CFAP77: variants seen among roughly 807,000 people sequenced by gnomAD.
The protein encoded by CFAP77 is cilia- and flagella-associated protein 77.
Under a neutral mutation model 31.1 loss-of-function variants are expected in CFAP77, and 25 were observed. That is an observed-to-expected ratio of 0.80 (90% CI 0.59 to 1.12). The LOEUF is 1.12. Among genes scored for constraint, CFAP77 ranks in the 50% most tolerant of loss-of-function variants. CFAP77 has a pLI of 0.00. For synonymous variants in CFAP77, 151 were observed against 159.9 expected (o/e 0.94, Z 0.42); for missense variants, 377 against 397.3 (o/e 0.95, Z 0.44).
chr9:132,480,179 G>A lies in CFAP77; in HGVS notation c.196-18516G>A, dbSNP rs992201492. ...CTCTCCTGGACCGCCCTCCCCAGGAGCCACCAGACTCCCTCTTGCTCCTGG... is the reference window on the plus strand; with the variant it reads ...CTCTCCTGGACCGCCCTCCCCAGGAACCACCAGACTCCCTCTTGCTCCTGG... On this transcript the variant is annotated intron_variant, in intron 1 of 5. Transcript: ENST00000393216. The surrounding 1 kb of genome is among the most constrained non-coding windows in gnomAD (Gnocchi z 5.8). 1.3e-5 allele frequency among the ~76,000 whole-genome samples: 2 copies of A among 152,288 alleles called. No individual in the cohort carries two copies. The highest frequency in any genetic ancestry group is 2.1e-4 in the South Asian group (1 of 4,820).
chr9:132,422,597 C>G (rs940313121), intron 1 of CFAP77, among the ~76,000 whole-genome samples: 2 of 152,178 alleles, frequency 1.3e-5, no homozygotes, highest in Non-Finnish European at 2.9e-5. Context: ...CAAGGAGGAA[C>G]CTGGAGCTTT....
intron 3 of CFAP77, among the ~76,000 whole-genome samples, chr9:132,516,369 T>C (rs1852146424): frequency 1.3e-5 from 2 of 152,094 alleles, no homozygotes; most frequent in Admixed American, 6.6e-5. Context: ...TGAACTCCAG[T>C]TTATTTATAC....
chr9:132,531,102 ACT>A (rs1852438868), intron 3 of CFAP77, among the ~76,000 whole-genome samples: 1 of 152,098 alleles, frequency 6.6e-6, no homozygotes, highest in African/African-American at 2.4e-5. Context: ...GTTTATTATA[ACT>A]CACATATAGC....
Position 132,511,328 on chromosome 9 carries a change from C to T in CFAP77, c.524+11728C>T, listed in dbSNP as rs541375303. 1.1e-4 allele frequency among the ~76,000 whole-genome samples: 16 copies of T among 152,292 alleles called. No individual in the cohort carries two copies. Among genetic ancestry groups the T allele is most frequent in the Middle Eastern group, 6.8e-3 (2 of 294 alleles). On this transcript the variant is annotated intron_variant, in intron 3 of 5. Transcript: ENST00000393216. This position sits in a 1 kb window ranked among gnomAD's most constrained non-coding sequence, Gnocchi z 5.8. Reference sequence around the variant, plus strand: ...TGCTTTTCCCTCTGCCAGGGATGCTCGTTCCCACCTTGCCTGGCGGAGGCC... The same window carrying T: ...TGCTTTTCCCTCTGCCAGGGATGCTTGTTCCCACCTTGCCTGGCGGAGGCC...
chr9:132,544,158 C>T (rs547225222), intron 5 of CFAP77, among the ~76,000 whole-genome samples: 1 of 59,312 alleles, frequency 1.7e-5, no homozygotes, highest in East Asian at 4.5e-4. Context: ...CCTGCTCTGC[C>T]CCCCCTTGAC....
chr9:132,500,386 G>A (rs1411705773), intron 3 of CFAP77, among the ~76,000 whole-genome samples: 2 of 152,136 alleles, frequency 1.3e-5, no homozygotes, highest in Admixed American at 6.5e-5. Context: ...TTTCAGTGAC[G>A]TAATGCATAT....
At chr9:132,453,160 C>T (rs562394779) in intron 1 of CFAP77, among the ~76,000 whole-genome samples, 7 of 152,252 alleles carry the variant, frequency 4.6e-5, no homozygotes, top group Non-Finnish European at 7.4e-5. Flanking sequence ...TCTCCATTTC[C>T]TCTTCTGTAA....
In CFAP77 at chr9:132,455,400, G is replaced by A. The variant is rs569211931; in HGVS notation, c.196-43295G>A. Among the ~76,000 whole-genome samples the A allele has an allele frequency of 2.0e-5, 3 of 151,916 alleles. No homozygotes were observed. Among genetic ancestry groups the A allele is most frequent in the Admixed American group, 6.6e-5 (1 of 15,254 alleles). On this transcript the variant is annotated intron_variant, in intron 1 of 5. Transcript: ENST00000393216. The surrounding 1 kb of genome is among the most constrained non-coding windows in gnomAD (Gnocchi z 4.1). ...CGGGCACCTGATATCCCAGCTACTC[G>A]GGAGGCTGAGGCAGGGAGGACTGCT...
At chr9:132,550,519 C>CTTTTT (rs766424349) in intron 5 of CFAP77, among the ~76,000 whole-genome samples, 20 of 102,816 alleles carry the variant, frequency 1.9e-4, no homozygotes, top group East Asian at 6.0e-4. Context: ...TCCCTTGAAG[C>CTTTTT]TTTTTTTTTT....
chr9:132,477,002 G>T (rs1411973697), intron 1 of CFAP77, among the ~76,000 whole-genome samples: 1 of 152,180 alleles, frequency 6.6e-6, no homozygotes, highest in Non-Finnish European at 1.5e-5. Context: ...CTTCCCAGCC[G>T]CTGGTGCTGT....
intron 5 of CFAP77, among the ~76,000 whole-genome samples, chr9:132,551,444 C>T (rs150926777): frequency 0.011 from 1,656 of 152,232 alleles, 38 homozygotes; most frequent in African/African-American, 0.037. Context: ...TACAGACATC[C>T]GCCACCACGC....
At chr9:132,412,684 T>C (rs1046858130) in intron 1 of CFAP77, among the ~76,000 whole-genome samples, 3 of 152,084 alleles carry the variant, frequency 2.0e-5, no homozygotes, top group Non-Finnish European at 4.4e-5. Flanking sequence ...TGCAGCTTCG[T>C]TTGCTAACTC....
intron 1 of CFAP77, chr9:132,482,351 TG>T (rs1851464107): frequency 1.2e-6 from 2 of 1,614,028 alleles, no homozygotes; most frequent in East Asian, 4.5e-5. Flanking sequence ...ATTCTGTTTA[TG>T]ACTCCTCAGC....
Position 132,499,564 on chromosome 9 carries a change from CT to C in CFAP77, c.489del (p.Leu164SerfsTer5). 6.2e-7 allele frequency: 1 copy of C among 1,614,244 alleles called. No homozygotes were observed. The highest frequency in any genetic ancestry group is 8.5e-7 in the Non-Finnish European group (1 of 1,180,040). On this transcript the variant is annotated frameshift_variant, in exon 3 of 6. Coordinates refer to ENST00000393216, the MANE Select transcript of CFAP77 (RefSeq NM_001282957.2). LOFTEE classifies it high-confidence loss of function. The surrounding 1 kb of genome is among the most constrained non-coding windows in gnomAD (Gnocchi z 5.4). The part of the protein sequence containing the change: ...DDRRMKKEPP[P>X]LPPNMTFGIR... ...CGGCGCATGAAGAAAGAGCCGCCCC[CT>C]CTCCCTCCAAACATGACATTTGGGA... is the stretch of plus-strand genomic sequence containing the variant.
intron 3 of CFAP77, among the ~76,000 whole-genome samples, chr9:132,513,649 C>T (rs958027595): frequency 2.6e-5 from 4 of 152,198 alleles, no homozygotes; most frequent in Admixed American, 6.5e-5. Context: ...CTGAATCGTC[C>T]GCCACAGGTG....
intron 1 of CFAP77, among the ~76,000 whole-genome samples, chr9:132,470,504 T>C (rs1851236822): frequency 6.6e-6 from 1 of 152,182 alleles, no homozygotes; most frequent in African/African-American, 2.4e-5. Context: ...CGCATCCCAG[T>C]GTTCTCTCTG....
Position 132,436,087 on chromosome 9 carries a change from T to C in CFAP77, c.195+25621T>C, listed in dbSNP as rs577802774. On this transcript the variant is annotated intron_variant, in intron 1 of 5. Coordinates refer to ENST00000393216, the MANE Select transcript of CFAP77 (RefSeq NM_001282957.2). ...GGTGTATTCATTTCCATGGCTGCCA[T>C]CGCAAGTCACAACTTGGTGGCTTGA... Among the ~76,000 whole-genome samples the C allele has an allele frequency of 2.0e-5, 3 of 152,292 alleles. No homozygotes were observed. In the East Asian group the frequency reaches 5.8e-4, roughly 29 times the overall value.
rs563639643 is a variant in CFAP77 at position 132,542,974 on chromosome 9, G to A, written c.659G>A (p.Arg220Gln). 2.7e-5 allele frequency: 43 copies of A among 1,614,010 alleles called. No individual in the cohort carries two copies. Among genetic ancestry groups the A allele is most frequent in the Non-Finnish European group, 3.4e-5 (40 of 1,180,018 alleles). The change falls in exon 5 of 6, where the codon CGG becomes CAG. Residue 220 changes from arginine (R) to glutamine (Q), a missense_variant. Coordinates refer to ENST00000393216, the MANE Select transcript of CFAP77 (RefSeq NM_001282957.2). ...KVVLGKLYET[R>Q]SSQLRKYKPP... The stretch of plus-strand genomic sequence containing the variant: ...GTCCTTGGGAAGCTGTATGAGACCC[G>A]GAGCAGTCAGCTGAGGAAGTACAAG...
At chr9:132,555,416 A>C (rs1226742202) in intron 5 of CFAP77, among the ~76,000 whole-genome samples, 1 of 152,218 alleles carries the variant, frequency 6.6e-6, no homozygotes, top group African/African-American at 2.4e-5. Context: ...AACAGCCTAT[A>C]TTAATGAGCA....
Sources: allele counts gnomAD v4.1 joint callset (sites outside exome capture counted in the v4.1 genomes callset), GRCh38; gene constraint gnomAD v4.1.1; non-coding constraint Gnocchi (gnomAD v3.1); transcripts MANE v1.5; gene names NCBI Gene and HGNC (gene_info 2026-07-23, HGNC 2026-07-21).